The following INTU variants were observed in gnomAD, a reference collection of about 807,000 sequenced individuals.
The protein encoded by INTU is inturned planar cell polarity protein, also known as protein inturned.
A neutral mutation model predicts 100.5 loss-of-function variants in INTU; 68 were observed. The observed-to-expected ratio is 0.68, with a 90% CI of 0.56 to 0.83. The LOEUF (loss-of-function observed/expected upper bound fraction) is 0.83. Ranked by LOEUF, INTU falls within the 40% of genes least tolerant of loss-of-function variation. The pLI is 0.00. For missense variants in INTU, 1,071 were observed against 1,114.7 expected (o/e 0.96, Z 0.56); for synonymous variants, 357 against 395.7 (o/e 0.90, Z 1.16).
chr4:127,663,250 G>A, intron 3 of INTU, 131 bp from the exon 4 acceptor site: 2 of 631,986 alleles, frequency 3.2e-6, no homozygotes, highest in South Asian at 2.1e-5. Context: ...GCCATCAGGA[G>A]CACTCACTCT....
intron 8 of INTU, among the ~76,000 whole-genome samples, chr4:127,694,963 A>G (rs1730316906): frequency 6.6e-6 from 1 of 152,200 alleles, no homozygotes; most frequent in Non-Finnish European, 1.5e-5. Flanking sequence ...TGTTCTCCTC[A>G]TTCAACATTG....
chr4:127,687,710 T>G lies in INTU; in HGVS notation c.1292T>G (p.Leu431Trp). 2 of 1,612,862 alleles carry G rather than the reference T, an allele frequency of 1.2e-6. No individual in the cohort carries two copies. The highest frequency in any genetic ancestry group is 1.7e-6 in the Non-Finnish European group (2 of 1,179,098). Residue 431 changes from leucine to tryptophan, a missense_variant, in exon 8 of 16, where the codon TTG becomes TGG. Coordinates refer to ENST00000335251, the MANE Select transcript of INTU (RefSeq NM_015693.4). The part of the protein sequence containing the change: ...AFCQIENVPR[L>W]DHFFNLFFQR... Reference sequence around the variant, plus strand: ...TGCCAGATTGAGAATGTTCCTCGTTTGGATCATTTTTTTAACTTGTTCTTT... The same window carrying G: ...TGCCAGATTGAGAATGTTCCTCGTTGGGATCATTTTTTTAACTTGTTCTTT...
chr4:127,633,224 C>A, intron 1 of INTU, 44 bp downstream of exon 1: 1 of 1,591,662 alleles, frequency 6.3e-7, no homozygotes, highest in South Asian at 1.1e-5. Flanking sequence ...CCCATCAATC[C>A]AGAGAATATA....
chr4:127,698,700 G>A (rs981229269), intron 8 of INTU, among the ~76,000 whole-genome samples: 12 of 151,996 alleles, frequency 7.9e-5, no homozygotes, highest in Non-Finnish European at 1.6e-4. Flanking sequence ...AGGGTACAGT[G>A]AAATAATTAA....
rs752242447 is a variant in INTU at position 127,712,350 on chromosome 4, C to A, written c.2559+1248C>A. Among the ~76,000 whole-genome samples, 102 of 152,120 alleles carry A rather than the reference C, an allele frequency of 6.7e-4. 1 individual carries two copies. Among genetic ancestry groups the A allele is most frequent in the African/African-American group, 2.4e-3 (99 of 41,500 alleles). ...CCTATATTCCTGTATGCTTTGGGTT[C>A]TTATGCTCCTATTTCCCTTTTTAAC... On this transcript the variant is annotated intron_variant, in intron 14 of 15. Transcript: ENST00000335251.
chr4:127,670,670 A>G (rs180743418), intron 5 of INTU, among the ~76,000 whole-genome samples: 1 of 152,184 alleles, frequency 6.6e-6, no homozygotes, highest in Non-Finnish European at 1.5e-5. Context: ...AAGCAAAAAG[A>G]ACAAAACTTG....
At chr4:127,699,537 C>T (rs928528777) in intron 8 of INTU, among the ~76,000 whole-genome samples, 2 of 152,124 alleles carry the variant, frequency 1.3e-5, no homozygotes, top group Non-Finnish European at 2.9e-5. Context: ...TGATATTTTT[C>T]AAGAATCCAA....
At chr4:127,674,554 G>A (rs1578579551) in intron 6 of INTU, among the ~76,000 whole-genome samples, 1 of 152,260 alleles carries the variant, frequency 6.6e-6, no homozygotes, top group East Asian at 1.9e-4. Context: ...TTTTACTGTT[G>A]GAGGTTTTGG....
intron 2 of INTU, among the ~76,000 whole-genome samples, chr4:127,654,355 C>T (rs1240866365): frequency 7.9e-5 from 12 of 152,116 alleles, no homozygotes; most frequent in Middle Eastern, 3.4e-3. Flanking sequence ...TTGCAGCGGC[C>T]GGTACCGGTT....
At chr4:127,687,501 A>G in intron 7 of INTU, 177 bp from the exon 8 acceptor site, 2 of 460,844 alleles carry the variant, frequency 4.3e-6, no homozygotes, top group Non-Finnish European at 3.9e-6. Flanking sequence ...AAGTTTGGAC[A>G]GGGTAAATTT....
chr4:127,690,917 C>G (rs1730091637), intron 8 of INTU, among the ~76,000 whole-genome samples: 1 of 152,048 alleles, frequency 6.6e-6, no homozygotes, highest in African/African-American at 2.4e-5. Flanking sequence ...TAGATTTAGA[C>G]AGATTATAAT....
intron 8 of INTU, among the ~76,000 whole-genome samples, chr4:127,695,683 C>T (rs1324908836): frequency 6.6e-6 from 1 of 152,174 alleles, no homozygotes; most frequent in African/African-American, 2.4e-5. Context: ...TTCCCAATCA[C>T]GTATTTCATG....
In INTU at chr4:127,707,896, A is replaced by G. The variant is rs568689879; in HGVS notation, c.2272-675A>G. The stretch of plus-strand genomic sequence containing the variant: ...TTTCAAAACATTTTTGAAACTTGTC[A>G]TTTGGGTGGATGGAGGTGACACCAG... On this transcript the variant is annotated intron_variant, in intron 12 of 15. Transcript: ENST00000335251. 2.0e-5 allele frequency among the ~76,000 whole-genome samples: 3 copies of G among 152,276 alleles called. No homozygotes were observed. In the South Asian group the frequency reaches 6.2e-4, roughly 32 times the overall value.
At chr4:127,637,351 G>A (rs1029743540) in intron 1 of INTU, among the ~76,000 whole-genome samples, 17 of 152,068 alleles carry the variant, frequency 1.1e-4, no homozygotes, top group Admixed American at 6.6e-5. Flanking sequence ...AGGTTCCTTA[G>A]GATGATTTTT....
At chr4:127,693,616 A>C (rs1367047136) in intron 8 of INTU, among the ~76,000 whole-genome samples, 1 of 152,104 alleles carries the variant, frequency 6.6e-6, no homozygotes, top group East Asian at 1.9e-4. Context: ...TGTGTTGAAT[A>C]GAAGTGGTGA....
At chr4:127,675,694 T>TA (rs1398487417) in intron 6 of INTU, among the ~76,000 whole-genome samples, 1 of 152,158 alleles carries the variant, frequency 6.6e-6, no homozygotes, top group Non-Finnish European at 1.5e-5. Flanking sequence ...CTTACACACA[T>TA]GGCCATTGTC....
At chr4:127,652,252 C>G (rs1247402709) in intron 2 of INTU, among the ~76,000 whole-genome samples, 1 of 143,660 alleles carries the variant, frequency 7.0e-6, no homozygotes, top group African/African-American at 2.7e-5. Context: ...ACTTCCAACA[C>G]TATGTTGAAT....
intron 4 of INTU, among the ~76,000 whole-genome samples, chr4:127,667,022 T>C (rs1289638584): frequency 3.3e-5 from 5 of 152,206 alleles, no homozygotes; most frequent in African/African-American, 1.2e-4. Context: ...GAGTTAATAA[T>C]TCTAATTTCT....
rs1007057223 is a variant in INTU at position 127,725,138 on chromosome 4, A to C, written c.*8702A>C. ...CTGTCTCTACTAAAAATACTAAAAA[A>C]AAAAAAAAAAAAAAAAAAATTAGCC... On this transcript the variant is annotated 3_prime_UTR_variant, in exon 16 of 16. Coordinates refer to ENST00000335251, the MANE Select transcript of INTU (RefSeq NM_015693.4). 2 of 150,092 alleles carry C rather than the reference A, an allele frequency of 1.3e-5. No homozygotes were observed. Among genetic ancestry groups the C allele is most frequent in the Non-Finnish European group, 2.9e-5 (2 of 68,174 alleles). 9.3% of individuals were successfully genotyped at this position (150,092 alleles called of 1,614,324 possible). A position where few individuals can be genotyped will look rare whatever the true frequency, so the allele number is the denominator to read the frequency against.
Sources: allele counts gnomAD v4.1 joint callset (sites outside exome capture counted in the v4.1 genomes callset), GRCh38; gene constraint gnomAD v4.1.1; transcripts MANE v1.5; gene names NCBI Gene and HGNC (gene_info 2026-07-23, HGNC 2026-07-21).